Variants in KCNT2 observed in about 807,000 individuals in gnomAD.
KCNT2 encodes the protein potassium channel subfamily T member 2.
In KCNT2, 67 loss-of-function variants were observed where a neutral mutation model predicts 153.8. The ratio of observed to expected loss-of-function variants is 0.44; its 90% CI spans 0.36 to 0.53. The LOEUF (loss-of-function observed/expected upper bound fraction) is 0.53, where lower values mean the gene tolerates loss of function less well. Among genes scored for constraint, KCNT2 ranks in the 20% least tolerant of loss-of-function variants. The probability of loss-of-function intolerance (pLI) is 0.00; values close to 1 mark genes in which losing one functional copy is unlikely to be tolerated. For synonymous variants in KCNT2, 500 were observed against 458.8 expected (o/e 1.09, Z -1.15); for missense variants, 975 against 1,354.8 (o/e 0.72, Z 4.40).
At chr1:196,415,943 C>G (rs1254028716) in intron 12 of KCNT2, among the ~76,000 whole-genome samples, 2 of 151,912 alleles carry the variant, frequency 1.3e-5, no homozygotes, top group Non-Finnish European at 2.9e-5. Context: ...TGCCTTCCCA[C>G]AGTTTCAGTT....
At chr1:196,341,125 C>T (rs979008789) in intron 15 of KCNT2, among the ~76,000 whole-genome samples, 2 of 151,632 alleles carry the variant, frequency 1.3e-5, no homozygotes, top group Non-Finnish European at 2.9e-5. Flanking sequence ...AGAGTTATGT[C>T]CTGATAAACC....
intron 14 of KCNT2, among the ~76,000 whole-genome samples, chr1:196,349,659 T>C (rs1666455758): frequency 1.3e-5 from 2 of 152,080 alleles, no homozygotes; most frequent in African/African-American, 4.8e-5. Context: ...ACTAGAAAGA[T>C]AGGTCAAACC....
At chr1:196,527,114 C>T (rs1654332103) in intron 1 of KCNT2, among the ~76,000 whole-genome samples, 1 of 152,136 alleles carries the variant, frequency 6.6e-6, no homozygotes, top group Admixed American at 6.5e-5. Flanking sequence ...AAACTGTGCC[C>T]CCACTGGTCT....
chr1:196,312,974 G>A (rs1662336783), intron 21 of KCNT2, among the ~76,000 whole-genome samples: 1 of 151,638 alleles, frequency 6.6e-6, no homozygotes, highest in African/African-American at 2.4e-5. Context: ...GCAAGGTGGT[G>A]GGTAGAGAAC....
chr1:196,532,459 C>T (rs1323190365), intron 1 of KCNT2, among the ~76,000 whole-genome samples: 1 of 151,712 alleles, frequency 6.6e-6, no homozygotes, highest in South Asian at 2.1e-4. Context: ...GTCTTATTAA[C>T]AGGAAAGGGA....
intron 17 of KCNT2, among the ~76,000 whole-genome samples, chr1:196,333,528 A>G (rs1245703510): frequency 1.3e-5 from 2 of 152,144 alleles, no homozygotes; most frequent in Admixed American, 6.6e-5. Context: ...ATACTATAAA[A>G]ACCATACAAT....
chr1:196,551,506 G>A (rs2148898264), intron 1 of KCNT2, among the ~76,000 whole-genome samples: 1 of 151,732 alleles, frequency 6.6e-6, no homozygotes, highest in African/African-American at 2.4e-5. Flanking sequence ...GTTTTTGTAT[G>A]CTAGAGACAC....
In KCNT2 at chr1:196,228,223, A is replaced by G. The variant is rs1558046478; in HGVS notation, c.*1T>C. On this transcript the variant is annotated 3_prime_UTR_variant, in exon 28 of 28. Coordinates refer to ENST00000294725, the MANE Select transcript of KCNT2 (RefSeq NM_198503.5). ...GAAAAAAGTTTCTCATTTTATTTTT[A>G]TCAAAGTTGAGTTTCCTCCCGAGAA... 1 of 1,581,840 alleles carries G rather than the reference A, an allele frequency of 6.3e-7. No homozygotes were observed.
At chr1:196,435,486 T>C (rs1300985974) in intron 8 of KCNT2, among the ~76,000 whole-genome samples, 1 of 151,534 alleles carries the variant, frequency 6.6e-6, no homozygotes, top group African/African-American at 2.4e-5. Context: ...ACTAAAAACT[T>C]GTCTTTTATA....
chr1:196,556,390 T>G (rs1167567615), intron 1 of KCNT2, among the ~76,000 whole-genome samples: 1 of 151,590 alleles, frequency 6.6e-6, no homozygotes, highest in East Asian at 1.9e-4. Flanking sequence ...AACAGGTATA[T>G]GAGAAGGAAC....
chr1:196,417,513 G>A (rs935700821), intron 12 of KCNT2, among the ~76,000 whole-genome samples: 5 of 151,788 alleles, frequency 3.3e-5, no homozygotes, highest in African/African-American at 1.2e-4. Flanking sequence ...CCTAAAACTG[G>A]GTATTCTCTT....
intron 8 of KCNT2, among the ~76,000 whole-genome samples, chr1:196,456,583 T>G (rs997163991): frequency 6.6e-6 from 1 of 151,984 alleles, no homozygotes; most frequent in African/African-American, 2.4e-5. Context: ...TAAGATCTTA[T>G]TTATGCCCCA....
At chr1:196,589,857 T>A (rs1453000052) in intron 1 of KCNT2, among the ~76,000 whole-genome samples, 1 of 152,186 alleles carries the variant, frequency 6.6e-6, no homozygotes, top group Non-Finnish European at 1.5e-5. Context: ...TTACTAAGCA[T>A]TACCTACAGT....
At chr1:196,481,538 A>C (rs1327848699) in intron 4 of KCNT2, among the ~76,000 whole-genome samples, 1 of 152,216 alleles carries the variant, frequency 6.6e-6, no homozygotes, top group Non-Finnish European at 1.5e-5. Context: ...TCTTTCCTCC[A>C]GACTCAAGTG....
chr1:196,510,531 T>C (rs1293698395), intron 1 of KCNT2, among the ~76,000 whole-genome samples: 1 of 152,208 alleles, frequency 6.6e-6, no homozygotes, highest in Non-Finnish European at 1.5e-5. Flanking sequence ...TTACCATAGC[T>C]AAACAGACAT....
intron 8 of KCNT2, among the ~76,000 whole-genome samples, chr1:196,437,501 A>T (rs969540242): frequency 6.7e-6 from 1 of 148,264 alleles, no homozygotes; most frequent in African/African-American, 2.4e-5. Context: ...TAAACATTTT[A>T]AATTAAAAAT....
At chr1:196,504,134 G>T (rs1680923235) in intron 1 of KCNT2, among the ~76,000 whole-genome samples, 1 of 151,948 alleles carries the variant, frequency 6.6e-6, no homozygotes, top group African/African-American at 2.4e-5. Context: ...TGCACAATGT[G>T]CAGGTTAGTT....
At chr1:196,577,137 A>G (rs1376572913) in intron 1 of KCNT2, among the ~76,000 whole-genome samples, 1 of 152,156 alleles carries the variant, frequency 6.6e-6, no homozygotes, top group Non-Finnish European at 1.5e-5. Flanking sequence ...AAAAGCCAAC[A>G]TCTATCCTAT....
intron 27 of KCNT2, among the ~76,000 whole-genome samples, chr1:196,233,863 T>C (rs1654175629): frequency 6.6e-6 from 1 of 151,358 alleles, no homozygotes; most frequent in South Asian, 2.1e-4. Context: ...ATTGATCTCA[T>C]GGAGATAGTA....
Sources: gnomAD v4.1 joint callset for allele counts (sites outside exome capture counted in the v4.1 genomes callset) on GRCh38, gnomAD v4.1.1 for gene constraint, MANE v1.5 for transcripts, NCBI Gene and HGNC (gene_info 2026-07-23, HGNC 2026-07-21) for gene names.